Variants in CELF4 observed in about 807,000 individuals in gnomAD.
CELF4 encodes the protein CUGBP Elav-like family member 4.
In CELF4, 18 loss-of-function variants were observed where a neutral mutation model predicts 59.9. The ratio of observed to expected loss-of-function variants is 0.30; its 90% CI spans 0.21 to 0.45. CELF4 has a LOEUF of 0.45. CELF4 is among the 20% of genes least tolerant of loss of function. CELF4 has a pLI of 1.00. For missense variants in CELF4, 456 were observed against 689.0 expected (o/e 0.66, Z 3.79); for synonymous variants, 261 against 267.1 (o/e 0.98, Z 0.22).
intron 2 of CELF4, among the ~76,000 whole-genome samples, chr18:37,394,958 C>A (rs1467586261): frequency 7.2e-6 from 1 of 139,146 alleles, no homozygotes; most frequent in Admixed American, 7.1e-5. Context: ...CCCCACCCCC[C>A]ACCCGGCCTC....
At chr18:37,331,121 C>A (rs765015937) in intron 2 of CELF4, among the ~76,000 whole-genome samples, 1 of 152,312 alleles carries the variant, frequency 6.6e-6, no homozygotes, top group South Asian at 2.1e-4. Context: ...GCTCTTCACC[C>A]CTCTCCATTC....
intron 2 of CELF4, among the ~76,000 whole-genome samples, chr18:37,435,695 C>A (rs1441391577): frequency 6.6e-6 from 1 of 152,304 alleles, no homozygotes; most frequent in East Asian, 1.9e-4. Context: ...CCCAACAAGG[C>A]ACTGGCTCCC....
chr18:37,302,664 G>A (rs2096137098), intron 3 of CELF4, among the ~76,000 whole-genome samples: 1 of 152,178 alleles, frequency 6.6e-6, no homozygotes, highest in Non-Finnish European at 1.5e-5. Flanking sequence ...CAGGTGGGAG[G>A]CACAGCAGAG....
rs543431528 is a variant in CELF4 at position 37,469,847 on chromosome 18, C to T, written c.369+15678G>A. Among the ~76,000 whole-genome samples, 16 of 152,252 alleles carry T rather than the reference C, an allele frequency of 1.1e-4. No homozygotes were observed. The South Asian group carries it at 2.3e-3, about 22-fold the overall frequency. On this transcript the variant is annotated intron_variant, in intron 2 of 12. Coordinates refer to ENST00000420428, the MANE Select transcript of CELF4 (RefSeq NM_020180.4). ...GAAGAGTTTGAGGAACATCCAGGCA[C>T]GGTGCAGGCTGGAGCACGCAAACCA...
At chr18:37,344,558 C>G (rs546348586) in intron 2 of CELF4, among the ~76,000 whole-genome samples, 2 of 152,374 alleles carry the variant, frequency 1.3e-5, no homozygotes, top group East Asian at 3.9e-4. Flanking sequence ...TCTGGAAGAA[C>G]TGGTCTTTGC....
At chr18:37,415,662 T>C (rs919308291) in intron 2 of CELF4, among the ~76,000 whole-genome samples, 15 of 152,224 alleles carry the variant, frequency 9.9e-5, no homozygotes, top group African/African-American at 3.4e-4. Context: ...TTTGACATAA[T>C]GCCTTGGCAG....
intron 2 of CELF4, among the ~76,000 whole-genome samples, chr18:37,426,164 G>A (rs1419902577): frequency 6.6e-6 from 1 of 152,210 alleles, no homozygotes; most frequent in Non-Finnish European, 1.5e-5. Context: ...CACAGGTCCT[G>A]GCCATGGGGA....
Position 37,273,140 on chromosome 18 carries a change from C to A in CELF4, c.825G>T (p.Leu275=), listed in dbSNP as rs766097876. The change falls in exon 7 of 13, where the codon CTG becomes CTT. Residue 275 remains leucine (L), a synonymous_variant. Coordinates refer to ENST00000420428, the MANE Select transcript of CELF4 (RefSeq NM_020180.4). Reference sequence around the variant, plus strand: ...AGCCGCCCTGCGCGACTGATGCCATCAGGGCCGCTTGCTGCTGCATCAGCT... The same window carrying A: ...AGCCGCCCTGCGCGACTGATGCCATAAGGGCCGCTTGCTGCTGCATCAGCT... ...AQALMQQQAA[L]MASVAQGGYL... is the part of the protein sequence containing the mutation. The A allele has an allele frequency of 3.1e-6, 5 of 1,611,328 alleles. No individual in the cohort carries two copies. The African/African-American group carries it at 6.7e-5, about 22-fold the overall frequency.
chr18:37,482,590 T>C (rs1603642318), intron 2 of CELF4, among the ~76,000 whole-genome samples: 2 of 152,198 alleles, frequency 1.3e-5, no homozygotes, highest in Admixed American at 6.5e-5. Flanking sequence ...CACTGATTTG[T>C]AAGAACAGCC....
intron 1 of CELF4, among the ~76,000 whole-genome samples, chr18:37,493,568 G>A (rs1023099913): frequency 6.6e-6 from 1 of 152,078 alleles, no homozygotes; most frequent in Non-Finnish European, 1.5e-5. Context: ...TGGGGGAGGT[G>A]GGCCATGGGG....
intron 2 of CELF4, among the ~76,000 whole-genome samples, chr18:37,356,679 C>T (rs940467991): frequency 4.6e-5 from 7 of 152,246 alleles, no homozygotes; most frequent in Non-Finnish European, 1.0e-4. Context: ...CTATGCTTGA[C>T]ATCTGCTTTT....
At chr18:37,490,929 C>T (rs1366394032) in intron 1 of CELF4, among the ~76,000 whole-genome samples, 1 of 152,168 alleles carries the variant, frequency 6.6e-6, no homozygotes, top group Non-Finnish European at 1.5e-5. Context: ...TAGGGGTCAG[C>T]GCTTTCTGTC....
In CELF4 at chr18:37,547,845, G is replaced by C. The variant is rs114067824; in HGVS notation, c.286+17511C>G. Among the ~76,000 whole-genome samples the C allele has an allele frequency of 2.3e-3, 355 of 152,252 alleles. 4 individuals are homozygous for C. The highest frequency in any genetic ancestry group is 8.2e-3 in the African/African-American group (339 of 41,534). ...TTTAAGGAGTGGTATGTGAGTATGT[G>C]TGTCTGTGTGAGGGTATGTATCTGG... is the stretch of plus-strand genomic sequence containing the variant. On this transcript the variant is annotated intron_variant, in intron 1 of 12. Coordinates refer to ENST00000420428, the MANE Select transcript of CELF4 (RefSeq NM_020180.4).
intron 2 of CELF4, among the ~76,000 whole-genome samples, chr18:37,481,031 A>T (rs2099865458): frequency 6.6e-6 from 1 of 152,140 alleles, no homozygotes; most frequent in Non-Finnish European, 1.5e-5. Flanking sequence ...GGTCACATTG[A>T]ATTTCCATGG....
intron 1 of CELF4, among the ~76,000 whole-genome samples, chr18:37,498,714 C>T (rs1021936331): frequency 9.9e-5 from 15 of 152,204 alleles, no homozygotes; most frequent in Admixed American, 2.6e-4. Flanking sequence ...GAAAGCCATC[C>T]AACCCCTGTG....
intron 2 of CELF4, among the ~76,000 whole-genome samples, chr18:37,483,741 G>T (rs2099875466): frequency 6.6e-6 from 1 of 152,156 alleles, no homozygotes; most frequent in Non-Finnish European, 1.5e-5. Context: ...TCTTTAATCT[G>T]GCAGGCCCCT....
At chr18:37,297,992 A>G (rs927359246) in intron 3 of CELF4, among the ~76,000 whole-genome samples, 3 of 152,212 alleles carry the variant, frequency 2.0e-5, no homozygotes, top group Admixed American at 6.5e-5. Context: ...GCAGCCACCA[A>G]TGGTGCACAG....
chr18:37,552,378 A>G (rs1041204714), intron 1 of CELF4, among the ~76,000 whole-genome samples: 1 of 152,118 alleles, frequency 6.6e-6, no homozygotes, highest in Non-Finnish European at 1.5e-5. Context: ...CACAGCCTAT[A>G]ATTTCCTACC....
At position 37,264,701 on chromosome 18, in the gene CELF4, G is replaced by A; in HGVS notation, c.1222C>T (p.Pro408Ser). Residue 408 changes from proline to serine, a missense_variant, in exon 10 of 13, where the codon CCA becomes TCA. Around this residue, in one of 7 missense-constraint regions of CELF4, gnomAD observed 256 missense variants for 340.8 expected, o/e 0.75. Coordinates refer to ENST00000420428, the MANE Select transcript of CELF4 (RefSeq NM_020180.4). ...QISQAFPQPP[P>S]MIPQQQREGP... ...TCTCTCTGCTGCTGGGGGATCATTG[G>A]AGGCGGCTGAGGAAAGGCCTGGCTT... The A allele has an allele frequency of 6.3e-7, 1 of 1,579,342 alleles. No homozygotes were observed. Among genetic ancestry groups the A allele is most frequent in the Non-Finnish European group, 8.6e-7 (1 of 1,161,798 alleles).
Sources: allele counts gnomAD v4.1 joint callset (sites outside exome capture counted in the v4.1 genomes callset), GRCh38; gene constraint gnomAD v4.1.1; regional missense constraint gnomAD v4.1.1; transcripts MANE v1.5; gene names NCBI Gene and HGNC (gene_info 2026-07-23, HGNC 2026-07-21).